The following WASHC3 variants were observed in gnomAD, a reference collection of about 807,000 sequenced individuals.
The protein encoded by WASHC3 is WASH complex subunit CCDC53.
WASHC3 carries 24 observed loss-of-function variants against 26.1 expected under a neutral mutation model. That is an observed-to-expected ratio of 0.92 (90% confidence interval 0.66 to 1.29). The LOEUF is 1.29. Ranked by LOEUF, WASHC3 falls within the 50% of genes most tolerant of loss-of-function variation. The pLI is 0.00. For synonymous variants in WASHC3, 77 were observed against 75.7 expected (o/e 1.02, Z -0.09); for missense variants, 214 against 229.6 (o/e 0.93, Z 0.44).
chr12:102,030,227 G>A (rs957819669), intron 5 of WASHC3, among the ~76,000 whole-genome samples: 1 of 151,186 alleles, frequency 6.6e-6, no homozygotes, highest in Admixed American at 6.6e-5. Context: ...CCCAGGAGGC[G>A]GAGGTTGCGG....
rs550490166 is a variant in WASHC3, at chr12:102,034,811, T to C, written c.435+5057A>G. 2.6e-5 allele frequency among the ~76,000 whole-genome samples: 4 copies of C among 151,840 alleles called. No homozygotes were observed. In the South Asian group the frequency reaches 8.4e-4, roughly 32 times the overall value. ...GTGTGTGTGTGTGTGTGTGTGTGTG[T>C]GTGTGAGTATGTAAATACAGCAAAT... On this transcript the variant is annotated intron_variant, in intron 5 of 6. Transcript: ENST00000240079.
At chr12:102,026,221 G>T (rs1478290814) in intron 5 of WASHC3, among the ~76,000 whole-genome samples, 183 bp from the exon 6 acceptor site, 1 of 152,004 alleles carries the variant, frequency 6.6e-6, no homozygotes, top group Non-Finnish European at 1.5e-5. Flanking sequence ...TGACCTAACA[G>T]AATTAGTCTT....
chr12:102,061,156 A>T, intron 2 of WASHC3, 92 bp downstream of exon 2: 1 of 815,794 alleles, frequency 1.2e-6, no homozygotes, highest in Non-Finnish European at 2.1e-6. Flanking sequence ...TACATGAATA[A>T]AGACTGTAAT....
chr12:102,046,732 T>C (rs1308886041), intron 2 of WASHC3, among the ~76,000 whole-genome samples: 2 of 152,224 alleles, frequency 1.3e-5, no homozygotes, highest in African/African-American at 4.8e-5. Flanking sequence ...CTACTGTACC[T>C]TTAGTGCCCA....
intron 6 of WASHC3, among the ~76,000 whole-genome samples, chr12:102,020,955 G>A (rs1876930957): frequency 6.6e-6 from 1 of 152,136 alleles, no homozygotes; most frequent in Non-Finnish European, 1.5e-5. Flanking sequence ...GGTGGCATGT[G>A]CCTGTAATCC....
intron 6 of WASHC3, 179 bp downstream of exon 6, chr12:102,025,795 T>C (rs1250331963): frequency 5.4e-6 from 3 of 551,582 alleles, no homozygotes; most frequent in Non-Finnish European, 9.4e-6. Flanking sequence ...AAGGCTGGTC[T>C]TAGTAGAATA....
intron 5 of WASHC3, among the ~76,000 whole-genome samples, chr12:102,029,919 G>A (rs866567070): frequency 6.6e-6 from 1 of 152,022 alleles, no homozygotes; most frequent in Non-Finnish European, 1.5e-5. Context: ...CCCCAATCAG[G>A]CTCCTTTTAC....
chr12:102,062,092 G>T (rs1365348018), upstream of WASHC3: 1 of 716,082 alleles, frequency 1.4e-6, no homozygotes, highest in Non-Finnish European at 2.3e-6. Flanking sequence ...CCGGAAGAAA[G>T]CTTCTCCGCT....
Position 102,061,295 on chromosome 12 carries a change from C to G in WASHC3, c.103G>C (p.Val35Leu), listed in dbSNP as rs769052534. 1.2e-6 allele frequency: 2 copies of G among 1,613,954 alleles called. No individual in the cohort carries two copies. The highest frequency in any genetic ancestry group is 1.7e-6 in the Non-Finnish European group (2 of 1,179,874). Residue 35 changes from valine to leucine, a missense_variant, in exon 2 of 7, where the codon GTG (valine) becomes CTG (leucine). Val to Leu is a conservative substitution (Grantham distance 32). Coordinates refer to ENST00000240079, the MANE Select transcript of WASHC3 (RefSeq NM_016053.4). ...CGGTTGAGGAACTGTACAGTGTGCA[C>G]CACAAATTGGTTTAGAAAAGCCACC... ...RTVAFLNQFV[V>L]HTVQFLNRFS...
chr12:102,032,974 C>T (rs1362787569), intron 5 of WASHC3, among the ~76,000 whole-genome samples: 1 of 152,096 alleles, frequency 6.6e-6, no homozygotes, highest in Non-Finnish European at 1.5e-5. Flanking sequence ...ATTACTCTGT[C>T]AACTGGTACT....
rs1180372656 is a variant in WASHC3 at position 102,044,090 on chromosome 12, T to G, written c.324+15A>C. 7.0e-7 allele frequency: 1 copy of G among 1,429,448 alleles called. No homozygotes were observed. Among genetic ancestry groups the G allele is most frequent in the Admixed American group, 1.8e-5 (1 of 55,366 alleles). The allele number at this position is 1,429,448 out of a possible 1,614,324, so 88.5% of individuals were successfully genotyped here. On this transcript the variant is annotated intron_variant, in intron 4 of 6. Coordinates refer to ENST00000240079, the MANE Select transcript of WASHC3 (RefSeq NM_016053.4). ...TCAACCAAGAACATCTGCTCGTTTC[T>G]TAGAACTCACTTACCTGTGGTTGCT... is the stretch of plus-strand genomic sequence containing the variant.
chr12:102,015,392 G>C (rs766030000), intron 6 of WASHC3, among the ~76,000 whole-genome samples: 15 of 152,182 alleles, frequency 9.9e-5, no homozygotes, highest in Non-Finnish European at 1.9e-4. Flanking sequence ...TACATGTGAT[G>C]CTATATTACA....
intron 5 of WASHC3, among the ~76,000 whole-genome samples, chr12:102,028,519 T>A (rs1294241900): frequency 6.6e-6 from 1 of 151,982 alleles, no homozygotes; most frequent in Non-Finnish European, 1.5e-5. Flanking sequence ...TACTTTAGCA[T>A]AATCCACAGG....
intron 6 of WASHC3, among the ~76,000 whole-genome samples, chr12:102,016,307 C>G (rs951641545): frequency 4.0e-5 from 6 of 151,696 alleles, no homozygotes; most frequent in African/African-American, 1.5e-4. Flanking sequence ...AGGGTTCAAG[C>G]CATCCTCCTG....
At chr12:102,061,887 G>C (rs769298523) in intron 1 of WASHC3, 25 bp downstream of exon 1, 3 of 1,576,160 alleles carry the variant, frequency 1.9e-6, no homozygotes, top group Non-Finnish European at 2.6e-6. Flanking sequence ...GGCTCGTCGG[G>C]AGTCTAGCAC....
chr12:102,017,580 A>G (rs1876761360), intron 6 of WASHC3: 1 of 197,614 alleles, frequency 5.1e-6, no homozygotes, highest in African/African-American at 2.4e-5. Flanking sequence ...GTCATTTGTT[A>G]GTTAGAGTGT....
At chr12:102,024,388 G>A (rs1380092824) in intron 6 of WASHC3, among the ~76,000 whole-genome samples, 2 of 152,170 alleles carry the variant, frequency 1.3e-5, no homozygotes, top group Non-Finnish European at 2.9e-5. Flanking sequence ...TACAAACGAT[G>A]AGGGCGTGAA....
chr12:102,051,624 T>C (rs1199861433), intron 2 of WASHC3, among the ~76,000 whole-genome samples: 6 of 152,242 alleles, frequency 3.9e-5, no homozygotes, highest in Admixed American at 3.9e-4. Flanking sequence ...CAATGAGATA[T>C]TGACTTTTCC....
At chr12:102,030,234 G>A (rs1020912419) in intron 5 of WASHC3, among the ~76,000 whole-genome samples, 5 of 150,804 alleles carry the variant, frequency 3.3e-5, no homozygotes, top group African/African-American at 1.2e-4. Flanking sequence ...GGCGGAGGTT[G>A]CGGTGAGCCA....
Sources: allele counts gnomAD v4.1 joint callset (sites outside exome capture counted in the v4.1 genomes callset), GRCh38; gene constraint gnomAD v4.1.1; transcripts MANE v1.5; gene names NCBI Gene and HGNC (gene_info 2026-07-23, HGNC 2026-07-21).